DNAH2: variants seen among roughly 807,000 people sequenced by gnomAD.
DNAH2 encodes the protein dynein axonemal heavy chain 2.
Under a neutral mutation model 523.5 loss-of-function variants are expected in DNAH2, and 323 were observed. The observed-to-expected ratio is 0.62, with a 90% confidence interval of 0.56 to 0.68. The LOEUF (loss-of-function observed/expected upper bound fraction) is 0.68, where lower values mean the gene tolerates loss of function less well. DNAH2 is among the 30% of genes least tolerant of loss of function. The pLI is 0.00. For synonymous variants in DNAH2, 2,093 were observed against 2,177.4 expected (o/e 0.96, Z 1.08); for missense variants, 4,907 against 5,701.5 (o/e 0.86, Z 4.49).
At chr17:7,776,699 G>T in intron 31 of DNAH2, 80 bp from the exon 32 acceptor site, 1 of 1,147,198 alleles carries the variant, frequency 8.7e-7, no homozygotes, top group East Asian at 2.6e-5. Context: ...CATGGTTCTT[G>T]AATTAGCTGG....
chr17:7,740,021 G>T, intron 9 of DNAH2, 83 bp downstream of exon 9: 1 of 1,228,452 alleles, frequency 8.1e-7, no homozygotes. Flanking sequence ...GCGAGAGTAT[G>T]CAAAGGAAAT....
Position 7,778,468 on chromosome 17 carries a change from A to G in DNAH2, c.5540A>G (p.Gln1847Arg). 6.2e-7 allele frequency: 1 copy of G among 1,607,234 alleles called. No homozygotes were observed. The highest frequency in any genetic ancestry group is 8.5e-7 in the Non-Finnish European group (1 of 1,175,360). The change falls in exon 35 of 86, where the codon CAG (glutamine) becomes CGG (arginine). Residue 1847 changes from glutamine to arginine, a missense_variant and splice_region_variant. Transcript: ENST00000572933. ...SMGRMYSGLA[Q>R]TGAWGCFDEF... ...GGCCGAATGTACTCAGGTCTGGCCC[A>G]GGTCAGTATCCTGCCACCCTGTGCC...
chr17:7,792,270 T>A lies in DNAH2; in HGVS notation c.7072T>A (p.Phe2358Ile). The change falls in exon 46 of 86, where the codon TTT becomes ATT. Residue 2358 changes from phenylalanine (F) to isoleucine (I), a missense_variant. Physicochemically the swap from Phe to Ile is conservative, Grantham distance 21. Around this residue, in one of 3 missense-constraint regions of DNAH2, gnomAD observed 2,806 missense variants for 3,190.8 expected, o/e 0.88. Coordinates refer to ENST00000572933, the MANE Select transcript of DNAH2 (RefSeq NM_020877.5). ...FPNKDTVYEY[F>I]VDPKIRSWTS... ...TCCTTAGGACACGGTATATGAGTAT[T>A]TTGTGGACCCCAAAATACGGAGTTG... The A allele has an allele frequency of 6.2e-7, 1 of 1,613,954 alleles. No individual in the cohort carries two copies. The highest frequency in any genetic ancestry group is 8.5e-7 in the Non-Finnish European group (1 of 1,179,982).
At chr17:7,726,970 C>T in intron 3 of DNAH2, 152 bp from the exon 4 acceptor site, 4 of 726,520 alleles carry the variant, frequency 5.5e-6, no homozygotes, top group Non-Finnish European at 6.1e-6. Flanking sequence ...CTGTTTCTTC[C>T]AAAGCTGGAA....
Position 7,729,674 on chromosome 17 carries a change from C to T in DNAH2, c.399+2382C>T, listed in dbSNP as rs184250422. On this transcript the variant is annotated intron_variant, in intron 4 of 85. Coordinates refer to ENST00000572933, the MANE Select transcript of DNAH2 (RefSeq NM_020877.5). ...CAAACTCCCAACCTCAGGTGATCCA[C>T]CTGCCTCGGCCTCCGAAAGTGCTGG... Among the ~76,000 whole-genome samples the T allele has an allele frequency of 2.0e-5, 3 of 152,308 alleles. No individual in the cohort carries two copies. The East Asian group carries it at 5.8e-4, about 29-fold the overall frequency.
At position 7,807,358 on chromosome 17, in the gene DNAH2, C is replaced by T. The variant is rs1457595157; in HGVS notation, c.9612+39C>T. 18 of 1,603,430 alleles carry T rather than the reference C, an allele frequency of 1.1e-5. No individual in the cohort carries two copies. Among genetic ancestry groups the T allele is most frequent in the Non-Finnish European group, 1.4e-5 (17 of 1,175,214 alleles). On this transcript the variant is annotated intron_variant, in intron 62 of 85. Coordinates refer to ENST00000572933, the MANE Select transcript of DNAH2 (RefSeq NM_020877.5). The surrounding 1 kb of genome is among the most constrained non-coding windows in gnomAD (Gnocchi z 5.6). ...GGCTGGGGCGGGGCGGTAGGGAGGG[C>T]AGGCCTGGGGGAGTGCGGATGCACA...
At position 7,780,934 on chromosome 17, in the gene DNAH2, G is replaced by A; in HGVS notation, c.6004-108G>A. On this transcript the variant is annotated intron_variant, in intron 38 of 85. Coordinates refer to ENST00000572933, the MANE Select transcript of DNAH2 (RefSeq NM_020877.5). This position sits in a 1 kb window ranked among gnomAD's most constrained non-coding sequence, Gnocchi z 4.4. Reference sequence around the variant, plus strand: ...CCGTGTTGCCCGCTGCTTTGCTAATGGCTAACTGGTGTATCCATTGTTCTT... The same window carrying A: ...CCGTGTTGCCCGCTGCTTTGCTAATAGCTAACTGGTGTATCCATTGTTCTT... 1 of 1,589,942 alleles carries A rather than the reference G, an allele frequency of 6.3e-7. No homozygotes were observed. Among genetic ancestry groups the A allele is most frequent in the Non-Finnish European group, 8.6e-7 (1 of 1,165,706 alleles).
intron 39 of DNAH2, among the ~76,000 whole-genome samples, 185 bp from the exon 40 acceptor site, chr17:7,785,939 A>G (rs1244181644): frequency 2.0e-5 from 3 of 152,206 alleles, no homozygotes; most frequent in African/African-American, 7.2e-5. Flanking sequence ...GGCGGACTCC[A>G]GAGCCCAATC....
intron 58 of DNAH2, among the ~76,000 whole-genome samples, chr17:7,802,757 G>A (rs902395041): frequency 1.8e-4 from 28 of 151,874 alleles, no homozygotes; most frequent in Admixed American, 2.0e-4. Context: ...TCTGCCTCCC[G>A]GGTTCAAGTG....
At position 7,719,733 on chromosome 17, in the gene DNAH2, C is replaced by T. The variant is rs767279120; in HGVS notation, c.-2C>T. The T allele has an allele frequency of 4.3e-6, 7 of 1,614,162 alleles. No homozygotes were observed. Among genetic ancestry groups the T allele is most frequent in the East Asian group, 2.2e-5 (1 of 44,876 alleles). ...TGTATACCTGTAGGTTTTGCCTGCA[C>T]GATGTCCAGCAAAGCTGAGAAGAAG... is the stretch of plus-strand genomic sequence containing the variant. On this transcript the variant is annotated 5_prime_UTR_variant, in exon 2 of 86. In the 5' UTR this introduces an upstream ATG that the reference lacks. Transcript: ENST00000572933.
rs1315669713 is a variant in DNAH2, at chr17:7,805,471, GA to G, written c.9442+81del. 4 of 1,590,018 alleles carry G rather than the reference GA, an allele frequency of 2.5e-6. No individual in the cohort carries two copies. In the East Asian group the frequency reaches 8.9e-5, roughly 36 times the overall value. Reference sequence around the variant, plus strand: ...TCGTCGGCTGTGCAGCAGACACTCAGAAAGATAGGGATGGATGAGGCATTGT... The same window carrying G: ...TCGTCGGCTGTGCAGCAGACACTCAGAAGATAGGGATGGATGAGGCATTGT... On this transcript the variant is annotated intron_variant, in intron 61 of 85. Coordinates refer to ENST00000572933, the MANE Select transcript of DNAH2 (RefSeq NM_020877.5).
At chr17:7,777,662 C>T (rs551732719) in intron 33 of DNAH2, 28 bp downstream of exon 33, 60 of 1,612,362 alleles carry the variant, frequency 3.7e-5, no homozygotes, top group Admixed American at 1.5e-4. Context: ...TCCCCACTCT[C>T]TTACCGTAAA....
intron 4 of DNAH2, 109 bp from the exon 5 acceptor site, chr17:7,732,978 A>G: frequency 9.8e-7 from 1 of 1,016,904 alleles, no homozygotes; most frequent in Non-Finnish European, 1.5e-6. Context: ...CATTTAGAGA[A>G]GGATCAGGAT....
At chr17:7,775,114 C>A in intron 29 of DNAH2, 127 bp from the exon 30 acceptor site, 1 of 1,265,108 alleles carries the variant, frequency 7.9e-7, no homozygotes, top group Non-Finnish European at 1.1e-6. Context: ...GGGGATAGAA[C>A]TTCTTAGAAT....
At chr17:7,766,216 G>A (rs182958401) in intron 21 of DNAH2, 102 bp from the exon 22 acceptor site, 122 of 1,253,578 alleles carry the variant, frequency 9.7e-5, no homozygotes, top group South Asian at 8.1e-4. Context: ...CCTCTCTCAC[G>A]TGAGGAGAGA....
rs1485632516 is a variant in DNAH2, at chr17:7,786,741, G to A, written c.6466+54G>A. The stretch of plus-strand genomic sequence containing the variant: ...GCAGACGCCTGAGTCTCCTAAGGGG[G>A]CAGGGAGTCTGGGGATAGGAAGTTC... On this transcript the variant is annotated intron_variant, in intron 41 of 85. Coordinates refer to ENST00000572933, the MANE Select transcript of DNAH2 (RefSeq NM_020877.5). This position sits in a 1 kb window ranked among gnomAD's most constrained non-coding sequence, Gnocchi z 7.5. 3.7e-6 allele frequency: 6 copies of A among 1,602,056 alleles called. No individual in the cohort carries two copies. Among genetic ancestry groups the A allele is most frequent in the Non-Finnish European group, 4.3e-6 (5 of 1,170,384 alleles).
chr17:7,776,835 G>A lies in DNAH2; in HGVS notation c.5004G>A (p.Leu1668=). The A allele has an allele frequency of 6.2e-7, 1 of 1,613,162 alleles. No homozygotes were observed. The highest frequency in any genetic ancestry group is 8.5e-7 in the Non-Finnish European group (1 of 1,179,420). Residue 1668 remains leucine, a synonymous_variant, in exon 32 of 86, where the codon CTG becomes CTA. Coordinates refer to ENST00000572933, the MANE Select transcript of DNAH2 (RefSeq NM_020877.5). Reference sequence around the variant, plus strand: ...CGGCTGATGTCACCAAGTGCCTGCTGACAGCGAAGGAGCGGGCAGACAAGA... The same window carrying A: ...CGGCTGATGTCACCAAGTGCCTGCTAACAGCGAAGGAGCGGGCAGACAAGA... ...QWTADVTKCL[L]TAKERADKKI...
At chr17:7,744,243 G>T (rs1351630015) in intron 12 of DNAH2, among the ~76,000 whole-genome samples, 1 of 145,038 alleles carries the variant, frequency 6.9e-6, no homozygotes, top group Non-Finnish European at 1.5e-5. Context: ...GCAGTGAGCC[G>T]AGATCACGCC....
rs1194169922 is a variant in DNAH2, at chr17:7,780,488, C to T, written c.5851-142C>T. 4 of 1,406,396 alleles carry T rather than the reference C, an allele frequency of 2.8e-6. No homozygotes were observed. In the South Asian group the frequency reaches 3.9e-5, roughly 14 times the overall value. 87.1% of individuals were successfully genotyped at this position (1,406,396 alleles called of 1,614,324 possible). On this transcript the variant is annotated intron_variant, in intron 37 of 85. Coordinates refer to ENST00000572933, the MANE Select transcript of DNAH2 (RefSeq NM_020877.5). The surrounding 1 kb of genome is among the most constrained non-coding windows in gnomAD (Gnocchi z 4.4). Reference sequence around the variant, plus strand: ...CTAACTGACAATGGCGTCATTCACACAATTTCCTCAGGAGAATCCATAGAG... The same window carrying T: ...CTAACTGACAATGGCGTCATTCACATAATTTCCTCAGGAGAATCCATAGAG...
Sources: allele counts gnomAD v4.1 joint callset (sites outside exome capture counted in the v4.1 genomes callset), GRCh38; gene constraint gnomAD v4.1.1; regional missense constraint gnomAD v4.1.1; non-coding constraint Gnocchi (gnomAD v3.1); transcripts MANE v1.5; gene names NCBI Gene and HGNC (gene_info 2026-07-23, HGNC 2026-07-21).